The following TYW1 variants were observed in gnomAD, a reference collection of about 807,000 sequenced individuals.
TYW1 encodes the protein tRNA-yW synthesizing protein 1 homolog.
Under a neutral mutation model 96.2 loss-of-function variants are expected in TYW1, and 46 were observed. The ratio of observed to expected loss-of-function variants is 0.48; its 90% CI spans 0.38 to 0.61. The LOEUF is 0.61. Ranked by LOEUF, TYW1 falls within the 20% of genes least tolerant of loss-of-function variation. The probability of loss-of-function intolerance (pLI) is 0.00; values close to 1 mark genes in which losing one functional copy is unlikely to be tolerated. For synonymous variants in TYW1, 274 were observed against 323.0 expected (o/e 0.85, Z 1.63); for missense variants, 684 against 909.6 (o/e 0.75, Z 3.19).
chr7:67,236,053 G>A (rs544726121), intron 15 of TYW1, among the ~76,000 whole-genome samples: 6 of 152,204 alleles, frequency 3.9e-5, no homozygotes, highest in Admixed American at 1.3e-4. Flanking sequence ...TAGTGTCTGC[G>A]GAAGTTCAAG....
At chr7:67,216,812 C>T (rs1461184156) in intron 15 of TYW1, among the ~76,000 whole-genome samples, 3 of 151,056 alleles carry the variant, frequency 2.0e-5, no homozygotes, top group Non-Finnish European at 4.4e-5. Flanking sequence ...TTACAATTTC[C>T]ATCATGATTT....
intron 5 of TYW1, among the ~76,000 whole-genome samples, chr7:67,017,387 C>T (rs778554466): frequency 6.6e-6 from 1 of 152,188 alleles, no homozygotes; most frequent in Non-Finnish European, 1.5e-5. Flanking sequence ...AGCTTAATTG[C>T]TTCATATCAC....
At chr7:67,198,475 C>T (rs1322607628) in intron 15 of TYW1, among the ~76,000 whole-genome samples, 6 of 151,386 alleles carry the variant, frequency 4.0e-5, no homozygotes, top group Non-Finnish European at 7.4e-5. Flanking sequence ...CTCTTGAACC[C>T]GGGAGGTGGA....
intron 6 of TYW1, among the ~76,000 whole-genome samples, chr7:67,018,712 T>C (rs1440893571): frequency 6.6e-6 from 1 of 151,838 alleles, no homozygotes; most frequent in Non-Finnish European, 1.5e-5. Flanking sequence ...CCCAGCACTT[T>C]TGGGAGGCCA....
intron 15 of TYW1, among the ~76,000 whole-genome samples, chr7:67,197,447 G>A (rs889018143): frequency 1.3e-5 from 2 of 151,650 alleles, no homozygotes; most frequent in East Asian, 1.9e-4. Flanking sequence ...TGCCTTAGCC[G>A]CCCGAGTAGC....
chr7:67,102,711 G>T (rs7800350), intron 12 of TYW1, among the ~76,000 whole-genome samples: 36,498 of 151,844 alleles, frequency 0.24, 4,697 homozygotes, highest in African/African-American at 0.32. Flanking sequence ...GAGTGCAGTG[G>T]CGCCATCTCG....
chr7:67,077,903 T>C (rs1299846256), intron 10 of TYW1, among the ~76,000 whole-genome samples: 3 of 152,116 alleles, frequency 2.0e-5, no homozygotes, highest in African/African-American at 7.2e-5. Flanking sequence ...CGTTAATCTG[T>C]CTTGAGTTGA....
At chr7:67,062,980 C>A (rs2115643724) in intron 9 of TYW1, among the ~76,000 whole-genome samples, 1 of 152,248 alleles carries the variant, frequency 6.6e-6, no homozygotes, top group South Asian at 2.1e-4. Flanking sequence ...TAAAACCTGA[C>A]AAAGACAATG....
intron 13 of TYW1, among the ~76,000 whole-genome samples, chr7:67,127,303 C>A (rs10274443): frequency 0.28 from 41,928 of 151,534 alleles, 6,640 homozygotes; most frequent in African/African-American, 0.44. Flanking sequence ...GGATTACAGG[C>A]GCTCACCATT....
chr7:67,055,960 T>C lies in TYW1; in HGVS notation c.1155+73T>C. The C allele has an allele frequency of 5.3e-6, 6 of 1,132,004 alleles. No individual in the cohort carries two copies. In the South Asian group the frequency reaches 7.4e-5, roughly 14 times the overall value. 70.1% of individuals were successfully genotyped at this position (1,132,004 alleles called of 1,614,324 possible). Reference sequence around the variant, plus strand: ...AATAGCTATTATTATACACTGTCTATAAATTTACTATTTAGAGGTATAATT... The same window carrying C: ...AATAGCTATTATTATACACTGTCTACAAATTTACTATTTAGAGGTATAATT... On this transcript the variant is annotated intron_variant, in intron 9 of 15. Transcript: ENST00000359626.
intron 13 of TYW1, among the ~76,000 whole-genome samples, chr7:67,172,135 T>G (rs1342203664): frequency 6.6e-6 from 1 of 152,026 alleles, no homozygotes; most frequent in Non-Finnish European, 1.5e-5. Context: ...TCAGCTGTCT[T>G]TTTCTCTATT....
At chr7:67,019,559 CTCGAGCAAA>C (rs1236876328) in intron 6 of TYW1, among the ~76,000 whole-genome samples, 1 of 152,258 alleles carries the variant, frequency 6.6e-6, no homozygotes, top group Non-Finnish European at 1.5e-5. Flanking sequence ...AACTCCTGGC[CTCGAGCAAA>C]CCTCCCATCT....
At chr7:67,055,738 G>T (rs1294441163) in intron 8 of TYW1, 97 bp from the exon 9 acceptor site, 2 of 711,822 alleles carry the variant, frequency 2.8e-6, no homozygotes, top group Non-Finnish European at 4.4e-6. Flanking sequence ...CAATAATTTA[G>T]CAAAAAAAAA....
chr7:67,032,367 C>T (rs977800584), intron 7 of TYW1, among the ~76,000 whole-genome samples: 52 of 152,040 alleles, frequency 3.4e-4, no homozygotes, highest in African/African-American at 1.2e-3. Flanking sequence ...ACATGTAATC[C>T]CAGCACTTTG....
In TYW1 at chr7:67,053,529, G is replaced by C. The variant is rs1486588267; in HGVS notation, c.1103-2306G>C. Among the ~76,000 whole-genome samples the C allele has an allele frequency of 4.6e-5, 7 of 151,618 alleles. No homozygotes were observed. The East Asian group carries it at 1.4e-3, about 29-fold the overall frequency. On this transcript the variant is annotated intron_variant, in intron 8 of 15. Coordinates refer to ENST00000359626, the MANE Select transcript of TYW1 (RefSeq NM_018264.4). ...CGAGTAGCTGGGATTACATGCATACGCCACCACGCCTGGCTAATTTTTATA... is the reference window on the plus strand; with the variant it reads ...CGAGTAGCTGGGATTACATGCATACCCCACCACGCCTGGCTAATTTTTATA...
chr7:67,210,323 ACAT>A (rs1198056401), intron 15 of TYW1, among the ~76,000 whole-genome samples: 1 of 152,182 alleles, frequency 6.6e-6, no homozygotes, highest in Non-Finnish European at 1.5e-5. Context: ...CATTTTCATC[ACAT>A]CATGTCAAGG....
chr7:67,024,792 A>T, intron 6 of TYW1, 108 bp from the exon 7 acceptor site: 3 of 1,511,178 alleles, frequency 2.0e-6, no homozygotes, highest in Non-Finnish European at 2.7e-6. Flanking sequence ...AAGAAAAAAA[A>T]AAAAAAAGAA....
At chr7:67,121,651 G>T (rs1412375614) in intron 13 of TYW1, among the ~76,000 whole-genome samples, 1 of 150,876 alleles carries the variant, frequency 6.6e-6, no homozygotes, top group African/African-American at 2.5e-5. Flanking sequence ...GTTATCTTCT[G>T]TTATTTGATT....
At chr7:67,034,536 T>C (rs1014652007) in intron 7 of TYW1, among the ~76,000 whole-genome samples, 2 of 152,146 alleles carry the variant, frequency 1.3e-5, no homozygotes, top group African/African-American at 4.8e-5. Context: ...TTGCAGGTAT[T>C]TTATTGCCTT....
Sources: allele counts gnomAD v4.1 joint callset (sites outside exome capture counted in the v4.1 genomes callset), GRCh38; gene constraint gnomAD v4.1.1; transcripts MANE v1.5; gene names NCBI Gene and HGNC (gene_info 2026-07-23, HGNC 2026-07-21).